The following CLASP1 variants were observed in gnomAD, a reference collection of about 807,000 sequenced individuals.
CLASP1 encodes the protein cytoplasmic linker associated protein 1.
In CLASP1, 38 loss-of-function variants were observed where a neutral mutation model predicts 192.3. The observed-to-expected ratio is 0.20, with a 90% CI of 0.15 to 0.26. The LOEUF (loss-of-function observed/expected upper bound fraction) is 0.26, where lower values mean the gene tolerates loss of function less well. CLASP1 is among the 10% of genes least tolerant of loss of function. CLASP1 has a pLI of 1.00. For missense variants in CLASP1, 1,433 were observed against 1,932.5 expected (o/e 0.74, Z 4.85); for synonymous variants, 691 against 712.8 (o/e 0.97, Z 0.49).
exon 25 of CLASP1, chr2:121,407,615 G>T (rs1390131833): frequency 6.2e-7 from 1 of 1,613,896 alleles, no homozygotes. Context: ...ACCATTCCTG[G>T]AGCCATATGA....
intron 39 of CLASP1, among the ~76,000 whole-genome samples, chr2:121,346,506 G>A (rs1159562888): frequency 2.0e-5 from 3 of 152,256 alleles, no homozygotes; most frequent in African/African-American, 7.2e-5. Flanking sequence ...GCAGCAGTGT[G>A]AGTAAGAAGT....
At chr2:121,348,188 C>T (rs896215317) in intron 38 of CLASP1, among the ~76,000 whole-genome samples, 3 of 152,166 alleles carry the variant, frequency 2.0e-5, no homozygotes, top group Non-Finnish European at 4.4e-5. Context: ...TGGTCCACCT[C>T]GCCCAGGGCT....
intron 34 of CLASP1, among the ~76,000 whole-genome samples, chr2:121,376,262 A>G (rs2070099025): frequency 6.6e-6 from 1 of 152,238 alleles, no homozygotes; most frequent in Non-Finnish European, 1.5e-5. Context: ...AATAGCCAAG[A>G]TACAGAATCA....
intron 1 of CLASP1, among the ~76,000 whole-genome samples, chr2:121,620,490 C>G (rs2067156955): frequency 1.3e-5 from 2 of 152,058 alleles, no homozygotes; most frequent in African/African-American, 2.4e-5. Flanking sequence ...GCTGGGACTA[C>G]AGGTACGCGT....
In CLASP1 at chr2:121,646,938, G is replaced by C. The variant is rs567873363; in HGVS notation, c.-286+2434C>G. Among the ~76,000 whole-genome samples, 297 of 151,798 alleles carry C rather than the reference G, an allele frequency of 2.0e-3. 1 individual carries two copies. The highest frequency in any genetic ancestry group is 5.8e-3 in the African/African-American group (238 of 41,352). ...ACCTGTAGTCCCAGCTACTCGGGAG[G>C]CTGAGGGAGGAGAATGGCATGAACC... is the stretch of plus-strand genomic sequence containing the variant. On this transcript the variant is annotated intron_variant, in intron 1 of 39. Coordinates refer to ENST00000263710, the Ensembl canonical transcript of CLASP1.
intron 2 of CLASP1, among the ~76,000 whole-genome samples, chr2:121,598,877 A>T (rs950610296): frequency 1.2e-4 from 19 of 152,232 alleles, no homozygotes; most frequent in South Asian, 6.2e-4. Flanking sequence ...TTATTTATTT[A>T]TTTTTTGAGA....
intron 26 of CLASP1, 91 bp from the exon 28 acceptor site, chr2:121,401,961 T>C (rs2076216646): frequency 5.6e-6 from 3 of 534,820 alleles, no homozygotes; most frequent in Non-Finnish European, 1.1e-5. Context: ...ATGCGTTTTT[T>C]TAAGAAAACC....
chr2:121,449,069 G>A (rs2084914827), exon 17 of CLASP1: 1 of 1,613,828 alleles, frequency 6.2e-7, no homozygotes, highest in African/African-American at 1.3e-5. Context: ...CCAAGGTGTG[G>A]TACAAGTGCT....
rs116005769 is a variant in CLASP1 at position 121,574,043 on chromosome 2, G to A, written c.195+31658C>T. Among the ~76,000 whole-genome samples, 1,196 of 152,260 alleles carry A rather than the reference G, an allele frequency of 7.9e-3. 12 individuals carry two copies. Among genetic ancestry groups the A allele is most frequent in the African/African-American group, 0.028 (1,145 of 41,530 alleles). On this transcript the variant is annotated intron_variant, in intron 2 of 39. Coordinates refer to ENST00000263710, the Ensembl canonical transcript of CLASP1. ...GTTTAAGGGATCTATTGTACAATATGGTAACTATAGCTATTAATAATGTAC... is the reference window on the plus strand; with the variant it reads ...GTTTAAGGGATCTATTGTACAATATAGTAACTATAGCTATTAATAATGTAC...
intron 2 of CLASP1, among the ~76,000 whole-genome samples, chr2:121,588,517 T>C (rs2061995411): frequency 6.6e-6 from 1 of 152,028 alleles, no homozygotes; most frequent in Admixed American, 6.6e-5. Flanking sequence ...ATGAAGATCA[T>C]CAGAAGAAAA....
chr2:121,536,899 G>A (rs1042319809), intron 2 of CLASP1, among the ~76,000 whole-genome samples: 4 of 152,164 alleles, frequency 2.6e-5, no homozygotes, highest in African/African-American at 7.2e-5. Flanking sequence ...ACTTCATGCC[G>A]CTGAATTGTA....
At chr2:121,486,138 A>G (rs1427322938) in intron 8 of CLASP1, among the ~76,000 whole-genome samples, 1 of 152,234 alleles carries the variant, frequency 6.6e-6, no homozygotes, top group Admixed American at 6.5e-5. Context: ...CTGGGTGACT[A>G]TAATTATAGT....
intron 1 of CLASP1, among the ~76,000 whole-genome samples, chr2:121,616,040 G>T (rs547717334): frequency 6.6e-6 from 1 of 152,216 alleles, no homozygotes; most frequent in South Asian, 2.1e-4. Flanking sequence ...TAAGAAACAC[G>T]AAGTCAAATC....
chr2:121,620,220 CAAAA>C (rs201371353), intron 1 of CLASP1, among the ~76,000 whole-genome samples: 1 of 109,584 alleles, frequency 9.1e-6, no homozygotes, highest in Non-Finnish European at 1.9e-5. Context: ...GATTCTGTCT[CAAAA>C]AAAAAAAAAA....
chr2:121,466,477 C>T (rs1233118106), intron 9 of CLASP1, among the ~76,000 whole-genome samples: 1 of 152,106 alleles, frequency 6.6e-6, no homozygotes, highest in Non-Finnish European at 1.5e-5. Context: ...TTTTACTTGG[C>T]CCACTCAGCT....
intron 25 of CLASP1, among the ~76,000 whole-genome samples, chr2:121,407,214 CA>C (rs34241757): frequency 0.32 from 33,691 of 104,606 alleles, 5,937 homozygotes; most frequent in African/African-American, 0.58. Flanking sequence ...GATTCCATCT[CA>C]AAAAAAAAAA....
At chr2:121,382,470 T>A (rs1157900935) in intron 32 of CLASP1, 146 bp from the exon 34 acceptor site, 10 of 588,568 alleles carry the variant, frequency 1.7e-5, no homozygotes, top group Non-Finnish European at 2.7e-5. Flanking sequence ...AATTAGCACT[T>A]CATCATACAG....
At chr2:121,451,503 T>A (rs181101287) in intron 15 of CLASP1, among the ~76,000 whole-genome samples, 1 of 152,208 alleles carries the variant, frequency 6.6e-6, no homozygotes, top group East Asian at 1.9e-4. Flanking sequence ...TGTTACCTCA[T>A]GGGAACTGAC....
At chr2:121,609,929 C>T (rs569572959) in intron 1 of CLASP1, among the ~76,000 whole-genome samples, 19 of 152,262 alleles carry the variant, frequency 1.2e-4, no homozygotes, top group Middle Eastern at 3.4e-3. Context: ...CAGAGAGAGA[C>T]TTTGTCTCAA....
Sources: gnomAD v4.1 joint callset for allele counts (sites outside exome capture counted in the v4.1 genomes callset) on GRCh38, gnomAD v4.1.1 for gene constraint, MANE v1.5 for transcripts, NCBI Gene and HGNC (gene_info 2026-07-23, HGNC 2026-07-21) for gene names.